Variants in CRBN observed in about 807,000 individuals in gnomAD.
CRBN encodes the protein protein cereblon.
In CRBN, 53 loss-of-function variants were observed where a neutral mutation model predicts 62.2. The observed-to-expected ratio is 0.85, with a 90% CI of 0.68 to 1.07. The LOEUF (loss-of-function observed/expected upper bound fraction) is 1.07. CRBN is among the 50% of genes least tolerant of loss of function. The pLI is 0.00. For missense variants in CRBN, 616 were observed against 531.1 expected, an observed-to-expected ratio of 1.16 and a Z score of -1.57; for synonymous variants, 208 against 176.1, an observed-to-expected ratio of 1.18 and a Z score of -1.43.
At chr3:3,175,956 T>G (rs910027729) in intron 1 of CRBN, among the ~76,000 whole-genome samples, 1 of 152,238 alleles carries the variant, frequency 6.6e-6, no homozygotes, top group African/African-American at 2.4e-5. Flanking sequence ...CTATATATTA[T>G]GAACTATTCC....
At chr3:3,154,702 T>C (rs199867251) in intron 7 of CRBN, 45 bp downstream of exon 7, 5 of 1,042,354 alleles carry the variant, frequency 4.8e-6, no homozygotes, top group South Asian at 1.3e-5. Flanking sequence ...CTATTTTTTA[T>C]AGCAAGACAT....
At chr3:3,159,941 T>C (rs1408223451) in intron 5 of CRBN, among the ~76,000 whole-genome samples, 1 of 152,230 alleles carries the variant, frequency 6.6e-6, no homozygotes, top group Non-Finnish European at 1.5e-5. Context: ...AACACCATGA[T>C]TGATGTCATA....
chr3:3,167,115 T>C (rs1024923629), intron 5 of CRBN, among the ~76,000 whole-genome samples: 1 of 152,134 alleles, frequency 6.6e-6, no homozygotes, highest in Non-Finnish European at 1.5e-5. Context: ...GGATATAACA[T>C]AGGAATTAGT....
At position 3,175,228 on chromosome 3, in the gene CRBN, C is replaced by A; in HGVS notation, c.109G>T (p.Asp37Tyr). The A allele has an allele frequency of 6.2e-7, 1 of 1,613,440 alleles. No individual in the cohort carries two copies. The highest frequency in any genetic ancestry group is 8.5e-7 in the Non-Finnish European group (1 of 1,179,592). The change falls in exon 2 of 11, where the codon GAT becomes TAT. Residue 37 changes from aspartate (D) to tyrosine (Y), a missense_variant. Physicochemically the swap from Asp to Tyr is radical, Grantham distance 160. Coordinates refer to ENST00000231948, the MANE Select transcript of CRBN (RefSeq NM_016302.4). The part of the protein sequence containing the change: ...EEDEMEVEDQ[D>Y]SKEAKKPNII... ...TTTGGTTTTTTGGCTTCTTTACTATCCTGGTCTTCAACTTCCATTTCATCT... is the reference window on the plus strand; with the variant it reads ...TTTGGTTTTTTGGCTTCTTTACTATACTGGTCTTCAACTTCCATTTCATCT...
intron 4 of CRBN, among the ~76,000 whole-genome samples, chr3:3,171,508 G>A (rs1026079274): frequency 6.6e-6 from 1 of 151,994 alleles, no homozygotes; most frequent in Non-Finnish European, 1.5e-5. Flanking sequence ...TGAGGGAGAC[G>A]TACATAAAAT....
chr3:3,173,785 A>T, intron 3 of CRBN: 1 of 464,104 alleles, frequency 2.2e-6, no homozygotes, highest in Non-Finnish European at 3.9e-6. Flanking sequence ...GATTCCAGAA[A>T]TGTTTTTCAT....
intron 5 of CRBN, among the ~76,000 whole-genome samples, chr3:3,165,908 T>C (rs547142225): frequency 2.0e-5 from 3 of 152,328 alleles, no homozygotes; most frequent in Admixed American, 6.5e-5. Context: ...TTTTAGGCAC[T>C]AAATGACTTA....
intron 7 of CRBN, 95 bp from the exon 8 acceptor site, chr3:3,154,170 CTCTT>C (rs2126054122): frequency 1.3e-6 from 1 of 759,642 alleles, no homozygotes; most frequent in South Asian, 1.4e-5. Context: ...ATAAACCCTT[CTCTT>C]TAAGGTTACA....
intron 8 of CRBN, 27 bp from the exon 9 acceptor site, chr3:3,153,515 G>C (rs1487531023): frequency 7.3e-7 from 1 of 1,373,608 alleles, no homozygotes; most frequent in Non-Finnish European, 1.0e-6. Context: ...AAAAATTATT[G>C]GTAGGAAAAA....
intron 4 of CRBN, among the ~76,000 whole-genome samples, chr3:3,170,952 T>G (rs1707583218): frequency 6.6e-6 from 1 of 152,104 alleles, no homozygotes; most frequent in African/African-American, 2.4e-5. Context: ...ATTACAGTCA[T>G]GCGCCACCAT....
chr3:3,152,487 G>C lies in CRBN; in HGVS notation c.1117C>G (p.Arg373Gly). The C allele has an allele frequency of 2.5e-6, 4 of 1,613,566 alleles. No individual in the cohort carries two copies. The highest frequency in any genetic ancestry group is 3.3e-5 in the Admixed American group (2 of 59,960). ...YKACNLNLIG[R>G]PSTEHSWFPG... is the part of the protein sequence containing the mutation. ...AACCAGCTGTGTTCTGTAGAAGGCCGGCCTATCAGATTCAAGTTGCAAGCC... is the reference window on the plus strand; with the variant it reads ...AACCAGCTGTGTTCTGTAGAAGGCCCGCCTATCAGATTCAAGTTGCAAGCC... Residue 373 changes from arginine to glycine, a missense_variant, in exon 10 of 11, where the codon CGG (arginine) becomes GGG (glycine). By Grantham distance (125) the Arg-to-Gly change is moderately radical. Transcript: ENST00000231948.
intron 10 of CRBN, 51 bp from the exon 11 acceptor site, chr3:3,151,096 GCCTATCATATAAA>G (rs751818791): frequency 6.3e-7 from 1 of 1,582,094 alleles, no homozygotes; most frequent in Non-Finnish European, 8.7e-7. Flanking sequence ...TGTACTCCAA[GCCTATCATATAAA>G]CCTATCATGA....
intron 5 of CRBN, chr3:3,167,400 T>G (rs796774076): frequency 4.5e-6 from 2 of 448,432 alleles, no homozygotes; most frequent in Non-Finnish European, 8.0e-6. Context: ...TTAATATAGC[T>G]GATAAGCATA....
At chr3:3,178,445 GA>G (rs1159069524) in intron 1 of CRBN, among the ~76,000 whole-genome samples, 1 of 146,378 alleles carries the variant, frequency 6.8e-6, no homozygotes, top group Non-Finnish European at 1.5e-5. Context: ...CAATCCACAG[GA>G]AAAACCCAAA....
intron 9 of CRBN, chr3:3,152,825 A>G: frequency 1.8e-6 from 1 of 547,752 alleles, no homozygotes; most frequent in Admixed American, 3.1e-5. Context: ...AGGAAATAGT[A>G]CTTGTTTTTA....
intron 3 of CRBN, chr3:3,173,825 T>A: frequency 1.9e-6 from 1 of 538,828 alleles, no homozygotes; most frequent in Non-Finnish European, 3.3e-6. Flanking sequence ...ATTTTTCAAA[T>A]ACCAGAAAGT....
At chr3:3,167,269 A>C (rs1707386727) in intron 5 of CRBN, among the ~76,000 whole-genome samples, 1 of 152,048 alleles carries the variant, frequency 6.6e-6, no homozygotes, top group Non-Finnish European at 1.5e-5. Flanking sequence ...CTCTACTACT[A>C]CTCTACCCCA....
chr3:3,159,623 C>G (rs2126058919), intron 5 of CRBN, among the ~76,000 whole-genome samples: 1 of 152,320 alleles, frequency 6.6e-6, no homozygotes, highest in East Asian at 1.9e-4. Context: ...TTTCAGGTAG[C>G]TTCTTTTCAG....
chr3:3,170,746 C>T, intron 4 of CRBN, among the ~76,000 whole-genome samples: 1 of 152,172 alleles, frequency 6.6e-6, no homozygotes, highest in East Asian at 1.9e-4. Context: ...AATGGGTCTA[C>T]AGAATACTAG....
Sources: gnomAD v4.1 joint callset for allele counts (sites outside exome capture counted in the v4.1 genomes callset) on GRCh38, gnomAD v4.1.1 for gene constraint, MANE v1.5 for transcripts, NCBI Gene and HGNC (gene_info 2026-07-23, HGNC 2026-07-21) for gene names.